CIPC: variants seen among roughly 807,000 people sequenced by gnomAD.
CIPC encodes CLOCK interacting pacemaker, also known as CLOCK-interacting pacemaker.
A neutral mutation model predicts 26.7 loss-of-function variants in CIPC; 12 were observed. The ratio of observed to expected loss-of-function variants is 0.45; its 90% CI spans 0.29 to 0.73. The LOEUF (loss-of-function observed/expected upper bound fraction) is 0.73, where lower values mean the gene tolerates loss of function less well. CIPC is among the 30% of genes least tolerant of loss of function. CIPC has a pLI of 0.12. For missense variants in CIPC, 417 were observed against 486.5 expected (o/e 0.86, Z 1.34); for synonymous variants, 170 against 189.8 (o/e 0.90, Z 0.86).
chr14:77,105,935 G>T (rs1886583487), intron 2 of CIPC, 91 bp downstream of exon 2: 1 of 1,468,300 alleles, frequency 6.8e-7, no homozygotes, highest in Non-Finnish European at 9.4e-7. Context: ...GATAAGGATG[G>T]GATGCTTTCA....
chr14:77,113,344 C>T (rs1363660138), intron 3 of CIPC, 81 bp from the exon 4 acceptor site: 4 of 1,473,612 alleles, frequency 2.7e-6, no homozygotes, highest in African/African-American at 1.4e-5. Flanking sequence ...TGAGTATCCA[C>T]TTGCCCCTTT....
chr14:77,107,283 T>C (rs1886608531), intron 2 of CIPC, among the ~76,000 whole-genome samples: 1 of 152,242 alleles, frequency 6.6e-6, no homozygotes. Context: ...ATTTTGACAC[T>C]TCTAACAACT....
intron 1 of CIPC, among the ~76,000 whole-genome samples, chr14:77,099,519 A>G (rs1886434824): frequency 6.6e-6 from 1 of 152,196 alleles, no homozygotes; most frequent in African/African-American, 2.4e-5. Flanking sequence ...AAAGCTAGTA[A>G]TGTATTTATA....
At position 77,116,051 on chromosome 14, in the gene CIPC, G is replaced by A. The variant is rs1886807247; in HGVS notation, c.*1733G>A. 6.6e-6 allele frequency: 1 copy of A among 152,144 alleles called. No homozygotes were observed. Among genetic ancestry groups the A allele is most frequent in the Non-Finnish European group, 1.5e-5 (1 of 68,042 alleles). The allele number at this position is 152,144 out of a possible 1,614,324, so 9.4% of individuals were successfully genotyped here. A position where few individuals can be genotyped will look rare whatever the true frequency, so the allele number is the denominator to read the frequency against. ...AGAAGTTAAATATGACATTTCCTAG[G>A]TAGTTGTAACTCTAACATAGTTTAA... On this transcript the variant is annotated 3_prime_UTR_variant, in exon 4 of 4. Coordinates refer to ENST00000361786, the MANE Select transcript of CIPC (RefSeq NM_033426.3).
intron 3 of CIPC, among the ~76,000 whole-genome samples, chr14:77,110,322 G>C (rs529841120): frequency 6.6e-6 from 1 of 152,258 alleles, no homozygotes; most frequent in East Asian, 1.9e-4. Flanking sequence ...ACATATGGCA[G>C]AGTTTAGGGT....
chr14:77,098,297 G>A lies in CIPC; in HGVS notation c.-117G>A, dbSNP rs1886401183. 1 of 152,692 alleles carries A rather than the reference G, an allele frequency of 6.5e-6. No individual in the cohort carries two copies. The highest frequency in any genetic ancestry group is 1.5e-5 in the Non-Finnish European group (1 of 68,064). 9.5% of individuals were successfully genotyped at this position (152,692 alleles called of 1,614,324 possible). A position where few individuals can be genotyped will look rare whatever the true frequency, so the allele number is the denominator to read the frequency against. ...CGACGAGGTTGTCATGGTGCCGCGG[G>A]GCCGTGCTCGCGCATGCGCCACCTG... On this transcript the variant is annotated 5_prime_UTR_variant, in exon 1 of 4. Transcript: ENST00000361786.
At chr14:77,103,810 CTCTACATGACCAAA>C (rs1430639827) in intron 1 of CIPC, among the ~76,000 whole-genome samples, 2 of 152,166 alleles carry the variant, frequency 1.3e-5, no homozygotes, top group South Asian at 2.1e-4. Flanking sequence ...TAACTTCAGT[CTCTACATGACCAAA>C]TCTACATGAC....
intron 2 of CIPC, among the ~76,000 whole-genome samples, chr14:77,107,079 T>C (rs1339214689): frequency 1.3e-5 from 2 of 152,230 alleles, no homozygotes; most frequent in Non-Finnish European, 2.9e-5. Flanking sequence ...AGTGTTTCTG[T>C]TGTATGATCA....
intron 1 of CIPC, among the ~76,000 whole-genome samples, chr14:77,100,196 C>T (rs559640400): frequency 6.6e-6 from 1 of 151,862 alleles, no homozygotes; most frequent in Non-Finnish European, 1.5e-5. Flanking sequence ...GAATTTTGTC[C>T]CCTTATATAA....
intron 2 of CIPC, among the ~76,000 whole-genome samples, chr14:77,109,382 A>T (rs542880629): frequency 4.6e-5 from 7 of 152,270 alleles, no homozygotes; most frequent in African/African-American, 1.7e-4. Context: ...TTTTAATTGT[A>T]ATTACATCTT....
In CIPC at chr14:77,114,235, G is replaced by T. The variant is rs372059675; in HGVS notation, c.1117G>T (p.Ala373Ser). The T allele has an allele frequency of 6.2e-6, 10 of 1,614,092 alleles. 1 individual carries two copies. The African/African-American group carries it at 8.0e-5, about 13-fold the overall frequency. ...ATKSRAPQAW[A>S]KLQASLTPGS... The stretch of plus-strand genomic sequence containing the variant: ...CAAGAGCAGGGCCCCTCAGGCTTGG[G>T]CCAAGCTGCAGGCATCTTTAACACC... The change falls in exon 4 of 4, where the codon GCC becomes TCC. Residue 373 changes from alanine (A) to serine (S), a missense_variant. By Grantham distance (99) the Ala-to-Ser change is moderately conservative. Coordinates refer to ENST00000361786, the MANE Select transcript of CIPC (RefSeq NM_033426.3).
chr14:77,111,513 A>T (rs569113281), intron 3 of CIPC, among the ~76,000 whole-genome samples: 1 of 152,288 alleles, frequency 6.6e-6, no homozygotes, highest in African/African-American at 2.4e-5. Flanking sequence ...TTGGTTTTAG[A>T]TATTTTTCTT....
At chr14:77,110,076 GATTTT>G in intron 3 of CIPC, 95 bp downstream of exon 3, 1 of 1,303,070 alleles carries the variant, frequency 7.7e-7, no homozygotes, top group South Asian at 1.4e-5. Context: ...GCCAAGGAGA[GATTTT>G]AGAAACAGAC....
chr14:77,114,344 T>C lies in CIPC; in HGVS notation c.*26T>C. ...CACAGAGGCATATTTTCCTGTTACT[T>C]GAGTGGTTCTTTTAGCTCATTTGCT... On this transcript the variant is annotated 3_prime_UTR_variant, in exon 4 of 4. Coordinates refer to ENST00000361786, the MANE Select transcript of CIPC (RefSeq NM_033426.3). 6.4e-7 allele frequency: 1 copy of C among 1,557,928 alleles called. No individual in the cohort carries two copies. The highest frequency in any genetic ancestry group is 8.6e-7 in the Non-Finnish European group (1 of 1,156,148).
chr14:77,109,779 C>G, intron 2 of CIPC, 33 bp from the exon 3 acceptor site: 2 of 1,592,960 alleles, frequency 1.3e-6, no homozygotes, highest in Non-Finnish European at 1.7e-6. Context: ...TAGTCTAGAG[C>G]CTGAGTGAGT....
In CIPC at chr14:77,115,296, G is replaced by A. The variant is rs988644543; in HGVS notation, c.*978G>A. The A allele has an allele frequency of 1.1e-4, 16 of 145,094 alleles. No individual in the cohort carries two copies. Among genetic ancestry groups the A allele is most frequent in the Non-Finnish European group, 4.5e-5 (3 of 66,580 alleles). 9.0% of individuals were successfully genotyped at this position (145,094 alleles called of 1,614,324 possible). A position where few individuals can be genotyped will look rare whatever the true frequency, so the allele number is the denominator to read the frequency against. ...GTGATTATTATGCTTGATAAACTTT[G>A]AATTAAATACAGTTGTCTTGAGGGT... On this transcript the variant is annotated 3_prime_UTR_variant, in exon 4 of 4. Coordinates refer to ENST00000361786, the MANE Select transcript of CIPC (RefSeq NM_033426.3).
At chr14:77,112,708 T>TTTG (rs1555383136) in intron 3 of CIPC, among the ~76,000 whole-genome samples, 1 of 151,818 alleles carries the variant, frequency 6.6e-6, no homozygotes, top group Non-Finnish European at 1.5e-5. Flanking sequence ...TCTGTTTTTT[T>TTTG]TTGTTGTTGT....
chr14:77,113,391 T>C, intron 3 of CIPC, 34 bp from the exon 4 acceptor site: 1 of 1,611,518 alleles, frequency 6.2e-7, no homozygotes, highest in Non-Finnish European at 8.5e-7. Flanking sequence ...TCAGCAGTAA[T>C]GAGTAGTGTG....
intron 3 of CIPC, among the ~76,000 whole-genome samples, chr14:77,112,159 A>G (rs1174164182): frequency 6.6e-6 from 1 of 152,174 alleles, no homozygotes; most frequent in East Asian, 1.9e-4. Flanking sequence ...GATAAATCAA[A>G]TGACCCCACC....
Sources: allele counts gnomAD v4.1 joint callset (sites outside exome capture counted in the v4.1 genomes callset), GRCh38; gene constraint gnomAD v4.1.1; transcripts MANE v1.5; gene names NCBI Gene and HGNC (gene_info 2026-07-23, HGNC 2026-07-21).